Variants in DOCK11 observed in about 807,000 individuals in gnomAD.
DOCK11 encodes the protein dedicator of cytokinesis protein 11.
DOCK11 carries 70 observed loss-of-function variants against 169.1 expected under a neutral mutation model. That is an observed-to-expected ratio of 0.41 (90% CI 0.34 to 0.51). The LOEUF (loss-of-function observed/expected upper bound fraction) is 0.51. DOCK11 is among the 20% of genes least tolerant of loss of function. The probability of loss-of-function intolerance (pLI) is 0.10; values close to 1 mark genes in which losing one functional copy is unlikely to be tolerated. For synonymous variants in DOCK11, 529 were observed against 541.3 expected, an observed-to-expected ratio of 0.98 and a Z score of 0.32; for missense variants, 1,166 against 1,538.8, an observed-to-expected ratio of 0.76 and a Z score of 4.05.
chrX:118,662,609 C>T (rs2016243117), intron 44 of DOCK11, 77 bp from the exon 45 acceptor site: 1 of 502,330 alleles, frequency 2.0e-6, no homozygotes, highest in Non-Finnish European at 3.4e-6. Context: ...TTTAAATAGC[C>T]CATCTCTGTA....
chrX:118,646,766 A>G (rs1230085198), intron 40 of DOCK11, among the ~76,000 whole-genome samples: 5 of 112,078 alleles, frequency 4.5e-5, no homozygotes, highest in African/African-American at 1.6e-4. Context: ...ATTCCCAATC[A>G]GAAAACATTT....
At chrX:118,593,080 T>G in intron 19 of DOCK11, 134 bp from the exon 20 acceptor site, 2 of 582,349 alleles carry the variant, frequency 3.4e-6, no homozygotes, top group Non-Finnish European at 5.4e-6. Flanking sequence ...TATATTTAAA[T>G]GATACCTACT....
intron 1 of DOCK11, among the ~76,000 whole-genome samples, chrX:118,506,913 C>T (rs942708201): frequency 5.4e-5 from 6 of 110,490 alleles, no homozygotes; most frequent in Non-Finnish European, 1.1e-4. Context: ...GCGAGACCCC[C>T]GTCTTTCCAA....
At chrX:118,635,538 A>G in intron 35 of DOCK11, among the ~76,000 whole-genome samples, 1 of 112,512 alleles carries the variant, frequency 8.9e-6, no homozygotes, top group East Asian at 2.8e-4. Context: ...AAAGGCAGAG[A>G]GAAAAAGGAA....
intron 1 of DOCK11, among the ~76,000 whole-genome samples, chrX:118,502,732 C>T: frequency 9.1e-6 from 1 of 109,677 alleles, no homozygotes; most frequent in South Asian, 4.0e-4. Context: ...ATAAGTGATT[C>T]ATAAAGGTTA....
chrX:118,592,749 A>C (rs906651795), intron 19 of DOCK11, among the ~76,000 whole-genome samples: 3 of 112,321 alleles, frequency 2.7e-5, no homozygotes, highest in African/African-American at 9.7e-5. Context: ...TAATTTGTGG[A>C]TACTATAAGA....
rs201948294 is a variant in DOCK11, at chrX:118,662,818, C to T, written c.5076+26C>T. ...GTAAGGATTCCAGGGCCTGCATTGC[C>T]AGTTATATAAATTTCACTTCTTAAA... On this transcript the variant is annotated intron_variant, in intron 45 of 52. Transcript: ENST00000276202. The T allele has an allele frequency of 3.4e-6, 3 of 886,797 alleles. No individual in the cohort carries two copies. The East Asian group carries it at 9.4e-5, about 28-fold the overall frequency. The allele number at this position is 886,797 out of a possible 1,213,427, so 73.1% of individuals were successfully genotyped here.
At position 118,561,491 on chromosome X, in the gene DOCK11, T is replaced by C; in HGVS notation, c.667T>C (p.Leu223=). 1 of 1,203,537 alleles carries C rather than the reference T, an allele frequency of 8.3e-7. No individual in the cohort carries two copies. ...AAAAGAATCGAAAGGTTGCATCTAC[T>C]TGGACGCCTGCATTGATGTTGTTCA... is the stretch of plus-strand genomic sequence containing the variant. ...NSKESKGCIY[L]DACIDVVQCP... is the part of the protein sequence containing the mutation. Residue 223 remains leucine (L), a synonymous_variant, in exon 7 of 53, where the codon TTG becomes CTG. Transcript: ENST00000276202.
At chrX:118,629,676 T>A (rs1293636405) in intron 34 of DOCK11, among the ~76,000 whole-genome samples, 1 of 110,519 alleles carries the variant, frequency 9.0e-6, no homozygotes, top group East Asian at 2.8e-4. Flanking sequence ...AGAAATAGGG[T>A]CTTGCTCTGT....
intron 5 of DOCK11, 111 bp downstream of exon 5, chrX:118,545,503 C>A: frequency 1.7e-6 from 1 of 577,175 alleles, no homozygotes; most frequent in Non-Finnish European, 2.6e-6. Context: ...AATAATTATT[C>A]TGGAATGATC....
At chrX:118,542,432 A>G (rs1288485617) in intron 1 of DOCK11, among the ~76,000 whole-genome samples, 1 of 110,222 alleles carries the variant, frequency 9.1e-6, no homozygotes, top group African/African-American at 3.3e-5. Context: ...CAGCCTCCCA[A>G]AGTACTGGGA....
intron 23 of DOCK11, among the ~76,000 whole-genome samples, chrX:118,600,322 G>A (rs749880244): frequency 2.3e-4 from 25 of 109,247 alleles, no homozygotes; most frequent in African/African-American, 5.7e-4. Context: ...CAGGAGAATC[G>A]CTTGAACCTG....
At chrX:118,559,227 A>T (rs1212594717) in intron 6 of DOCK11, among the ~76,000 whole-genome samples, 1 of 111,593 alleles carries the variant, frequency 9.0e-6, no homozygotes, top group Non-Finnish European at 1.9e-5. Context: ...TGTGAAAAAA[A>T]AATTTCTCAG....
chrX:118,672,525 C>T (rs5957039), intron 46 of DOCK11, among the ~76,000 whole-genome samples: 2,675 of 112,933 alleles, frequency 0.024, 97 homozygotes, highest in African/African-American at 0.081. Flanking sequence ...CTCCACCTCC[C>T]GGGTTCACGC....
rs982379838 is a variant in DOCK11, at chrX:118,522,297, G to T, written c.103-20428G>T. Among the ~76,000 whole-genome samples the T allele has an allele frequency of 2.7e-5, 3 of 109,946 alleles. No homozygotes were observed. In the Admixed American group the frequency reaches 2.9e-4, roughly 11 times the overall value. On this transcript the variant is annotated intron_variant, in intron 1 of 52. Coordinates refer to ENST00000276202, the MANE Select transcript of DOCK11 (RefSeq NM_144658.4). Reference sequence around the variant, plus strand: ...TTGCACCACTGCACTCCAGCCTGGGGTCAGAGTGAGACTTTGTCTAAAAAA... The same window carrying T: ...TTGCACCACTGCACTCCAGCCTGGGTTCAGAGTGAGACTTTGTCTAAAAAA...
At chrX:118,628,056 T>G (rs1385145816) in intron 33 of DOCK11, 107 bp from the exon 34 acceptor site, 1 of 460,672 alleles carries the variant, frequency 2.2e-6, no homozygotes, top group Non-Finnish European at 3.7e-6. Flanking sequence ...ATGTCCAAGA[T>G]CTATTCCCTA....
At chrX:118,603,891 G>T (rs1295013651) in intron 23 of DOCK11, among the ~76,000 whole-genome samples, 2 of 112,334 alleles carry the variant, frequency 1.8e-5, no homozygotes, top group Admixed American at 9.4e-5. Flanking sequence ...AGAAACCAGA[G>T]ATACCAGTTT....
chrX:118,496,521 T>C (rs574150734), intron 1 of DOCK11, among the ~76,000 whole-genome samples: 3 of 112,288 alleles, frequency 2.7e-5, no homozygotes, highest in South Asian at 7.3e-4. Context: ...GCACACACAC[T>C]CTCGCGCGCA....
intron 6 of DOCK11, among the ~76,000 whole-genome samples, chrX:118,558,122 G>A (rs754373523): frequency 5.5e-5 from 6 of 108,519 alleles, no homozygotes; most frequent in African/African-American, 1.3e-4. Flanking sequence ...ACAGGGGTGC[G>A]CCACCACGCC....
Sources: gnomAD v4.1 joint callset for allele counts (sites outside exome capture counted in the v4.1 genomes callset) on GRCh38, gnomAD v4.1.1 for gene constraint, MANE v1.5 for transcripts, NCBI Gene and HGNC (gene_info 2026-07-23, HGNC 2026-07-21) for gene names.